The following SNU13 variants were observed in gnomAD, a reference collection of about 807,000 sequenced individuals.
SNU13 encodes the protein small nuclear ribonucleoprotein 13.
In SNU13, 2 loss-of-function variants were observed where a neutral mutation model predicts 12.4. That is an observed-to-expected ratio of 0.16 (90% CI 0.07 to 0.51). The LOEUF is 0.51. Among genes scored for constraint, SNU13 ranks in the 20% least tolerant of loss-of-function variants. SNU13 has a pLI of 0.96. For synonymous variants in SNU13, 68 were observed against 66.5 expected (o/e 1.02, Z -0.11); for missense variants, 66 against 157.8 (o/e 0.42, Z 3.12).
At chr22:41,679,374 T>C (rs1233955906) in intron 2 of SNU13, among the ~76,000 whole-genome samples, 1 of 152,028 alleles carries the variant, frequency 6.6e-6, no homozygotes, top group African/African-American at 2.4e-5. Flanking sequence ...CTGACCAACA[T>C]AGTGAAACCC....
At chr22:41,679,759 G>C (rs2068246522) in intron 2 of SNU13, 1 of 151,330 alleles carries the variant, frequency 6.6e-6, no homozygotes, top group South Asian at 2.1e-4. Context: ...ATACAGAGAA[G>C]ATTAGCATGA....
rs535906379 is a variant in SNU13 at position 41,688,670 on chromosome 22, C to A, written c.3+124G>T. 1.9e-5 allele frequency: 26 copies of A among 1,343,502 alleles called. No homozygotes were observed. In the East Asian group the frequency reaches 6.4e-4, roughly 33 times the overall value. 83.2% of individuals were successfully genotyped at this position (1,343,502 alleles called of 1,614,324 possible). A position where few individuals can be genotyped will look rare whatever the true frequency, so the allele number is the denominator to read the frequency against. On this transcript the variant is annotated intron_variant, in intron 1 of 2. Coordinates refer to ENST00000401959, the MANE Select transcript of SNU13 (RefSeq NM_001003796.2). ...GCTGGGGTTCTAACTAAGGGCCCGG[C>A]GGTTAAGACCCAACGCCGGCGGATG...
At chr22:41,680,884 G>C (rs1384884985) in intron 1 of SNU13, among the ~76,000 whole-genome samples, 1 of 152,170 alleles carries the variant, frequency 6.6e-6, no homozygotes, top group East Asian at 1.9e-4. Flanking sequence ...TGTGGAGACA[G>C]GGTTTCACCG....
chr22:41,687,267 T>C (rs1168853947), intron 1 of SNU13, among the ~76,000 whole-genome samples: 1 of 152,164 alleles, frequency 6.6e-6, no homozygotes, highest in Non-Finnish European at 1.5e-5. Context: ...CTGTTGCATG[T>C]TTTAAAATAG....
At chr22:41,681,769 T>A (rs2068265343) in intron 1 of SNU13, among the ~76,000 whole-genome samples, 1 of 152,178 alleles carries the variant, frequency 6.6e-6, no homozygotes, top group Admixed American at 6.6e-5. Context: ...TCCTAGCTAC[T>A]CGAGAGGCTG....
chr22:41,688,659 TA>T, intron 1 of SNU13, 134 bp downstream of exon 1: 2 of 1,286,048 alleles, frequency 1.6e-6, no homozygotes, highest in Non-Finnish European at 2.1e-6. Flanking sequence ...GGGTTCTAAC[TA>T]AGGGCCCGGC....
At chr22:41,682,439 G>A in intron 1 of SNU13, 3 of 1,609,954 alleles carry the variant, frequency 1.9e-6, no homozygotes, top group South Asian at 1.1e-5. Flanking sequence ...GCCCAGCACC[G>A]CAAGGACACG....
Position 41,681,993 on chromosome 22 carries a change from T to C in SNU13, c.4-1629A>G, listed in dbSNP as rs1055848025. On this transcript the variant is annotated intron_variant, in intron 1 of 2. Transcript: ENST00000401959. ...AATCATTTTCATTAATTTTTCTCTT[T>C]TTTTTTTTGTTTTTACAAACACATA... is the stretch of plus-strand genomic sequence containing the variant. Among the ~76,000 whole-genome samples, 6 of 150,498 alleles carry C rather than the reference T, an allele frequency of 4.0e-5. No individual in the cohort carries two copies. The South Asian group carries it at 1.3e-3, about 31-fold the overall frequency.
At chr22:41,680,651 C>T (rs1601572160) in intron 1 of SNU13, among the ~76,000 whole-genome samples, 2 of 152,194 alleles carry the variant, frequency 1.3e-5, no homozygotes, top group East Asian at 1.9e-4. Context: ...GGATTACAAA[C>T]GGGTTCCCAT....
At chr22:41,687,423 T>A (rs1399609663) in intron 1 of SNU13, among the ~76,000 whole-genome samples, 1 of 152,148 alleles carries the variant, frequency 6.6e-6, no homozygotes, top group Non-Finnish European at 1.5e-5. Flanking sequence ...ATCAAATTCA[T>A]AAAAGAGGAA....
intron 1 of SNU13, chr22:41,682,233 C>A (rs1378893990): frequency 3.8e-6 from 4 of 1,049,752 alleles, no homozygotes; most frequent in Non-Finnish European, 5.9e-6. Context: ...CTGCCCGACA[C>A]CGCGCACCTG....
chr22:41,689,146 G>C, upstream of SNU13: 1 of 1,004,948 alleles, frequency 1.0e-6, no homozygotes, highest in Non-Finnish European at 1.2e-6. Context: ...CGCATCACCT[G>C]AGGACAGGAG....
chr22:41,688,992 G>A (rs1650642710), upstream of SNU13: 1 of 1,324,058 alleles, frequency 7.6e-7, no homozygotes, highest in Non-Finnish European at 9.7e-7. Context: ...CTGTGTCGAA[G>A]AAGGAACGTA....
chr22:41,677,625 A>G (rs984509320), intron 2 of SNU13, among the ~76,000 whole-genome samples: 1 of 152,160 alleles, frequency 6.6e-6, no homozygotes, highest in Non-Finnish European at 1.5e-5. Context: ...TCACCCTACA[A>G]AAGTCATAGG....
At chr22:41,683,956 G>A (rs896490284) in intron 1 of SNU13, among the ~76,000 whole-genome samples, 2 of 152,120 alleles carry the variant, frequency 1.3e-5, no homozygotes, top group African/African-American at 4.8e-5. Context: ...AGGCTGGAGT[G>A]TAGTAGTGCG....
At position 41,674,647 on chromosome 22, in the gene SNU13, C is replaced by G. The variant is rs1387481755; in HGVS notation, c.*286G>C. 1 of 379,902 alleles carries G rather than the reference C, an allele frequency of 2.6e-6. No homozygotes were observed. Among genetic ancestry groups the G allele is most frequent in the Non-Finnish European group, 4.9e-6 (1 of 205,338 alleles). The allele number at this position is 379,902 out of a possible 1,614,324, so 23.5% of individuals were successfully genotyped here. On this transcript the variant is annotated 3_prime_UTR_variant, in exon 3 of 3. Coordinates refer to ENST00000401959, the MANE Select transcript of SNU13 (RefSeq NM_001003796.2). ...TGGCTCCATCAGCTTTCTCCTGGCT[C>G]TTTCTGCCTTTCAACGGTGCCACCA...
At chr22:41,688,459 CT>C (rs1170536766) in intron 1 of SNU13, 2 of 323,596 alleles carry the variant, frequency 6.2e-6, no homozygotes, top group African/African-American at 4.3e-5. Flanking sequence ...GCCAAGTTTT[CT>C]TCACCCAACT....
intron 1 of SNU13, chr22:41,681,705 A>C (rs2068264756): frequency 6.5e-6 from 1 of 153,490 alleles, no homozygotes; most frequent in Non-Finnish European, 1.5e-5. Context: ...TGTCATTCAG[A>C]TCTGTGTCAA....
intron 1 of SNU13, 42 bp downstream of exon 1, chr22:41,688,752 A>C (rs2068333816): frequency 1.9e-6 from 3 of 1,598,260 alleles, no homozygotes; most frequent in Non-Finnish European, 2.6e-6. Context: ...CGCAACCCTG[A>C]GTCTCCCGCT....
Sources: gnomAD v4.1 joint callset for allele counts (sites outside exome capture counted in the v4.1 genomes callset) on GRCh38, gnomAD v4.1.1 for gene constraint, MANE v1.5 for transcripts, NCBI Gene and HGNC (gene_info 2026-07-23, HGNC 2026-07-21) for gene names.